Variants in FAM177A1 observed in about 807,000 individuals in gnomAD.
FAM177A1 encodes the protein protein FAM177A1.
FAM177A1 carries 22 observed loss-of-function variants against 26.1 expected under a neutral mutation model. The ratio of observed to expected loss-of-function variants is 0.84; its 90% CI spans 0.60 to 1.20. The LOEUF (loss-of-function observed/expected upper bound fraction) is 1.20. FAM177A1 is among the 50% of genes most tolerant of loss of function. The pLI is 0.00. For missense variants in FAM177A1, 296 were observed against 291.1 expected (o/e 1.02, Z -0.12); for synonymous variants, 95 against 99.3 (o/e 0.96, Z 0.26).
At chr14:35,080,550 C>A (rs2045464764) in intron 4 of FAM177A1, among the ~76,000 whole-genome samples, 1 of 152,104 alleles carries the variant, frequency 6.6e-6, no homozygotes, top group South Asian at 2.1e-4. Flanking sequence ...CCTGTAATCC[C>A]AACACTTTGG....
At chr14:35,055,318 AT>A (rs1366263370) in intron 2 of FAM177A1, among the ~76,000 whole-genome samples, 1 of 133,640 alleles carries the variant, frequency 7.5e-6, no homozygotes, top group Non-Finnish European at 1.6e-5. Context: ...AAAAAAAAAA[AT>A]CGGATATTCT....
In FAM177A1 at chr14:35,046,647, G is replaced by A. The variant is rs1243270879; in HGVS notation, c.165+19G>A. On this transcript the variant is annotated intron_variant, in intron 1 of 4. Transcript: ENST00000280987. Reference sequence around the variant, plus strand: ...AGGGCAGGTAGGTGGGGCCGCCGAGGCTGACGTCCGGGGAGCCGAGCCGCC... The same window carrying A: ...AGGGCAGGTAGGTGGGGCCGCCGAGACTGACGTCCGGGGAGCCGAGCCGCC... 3.9e-6 allele frequency: 6 copies of A among 1,522,334 alleles called. No homozygotes were observed. The South Asian group carries it at 7.4e-5, about 19-fold the overall frequency. The allele number at this position is 1,522,334 out of a possible 1,614,324, so 94.3% of individuals were successfully genotyped here.
At chr14:35,080,285 A>G (rs2045460231) in intron 4 of FAM177A1, among the ~76,000 whole-genome samples, 1 of 152,196 alleles carries the variant, frequency 6.6e-6, no homozygotes, top group Admixed American at 6.5e-5. Flanking sequence ...TGCCTTATCT[A>G]TGTATTTGAT....
chr14:35,047,105 A>G (rs1343963249), intron 1 of FAM177A1: 2 of 711,104 alleles, frequency 2.8e-6, no homozygotes, highest in Non-Finnish European at 3.5e-6. Flanking sequence ...GCCCCATTTC[A>G]CCGCCGAGGC....
rs1235824056 is a variant in FAM177A1, at chr14:35,072,271, AGAAAGGAAAGGG to A, written c.340-4867_340-4856del. Among the ~76,000 whole-genome samples, 12 of 152,162 alleles carry A rather than the reference AGAAAGGAAAGGG, an allele frequency of 7.9e-5. No individual in the cohort carries two copies. The South Asian group carries it at 2.3e-3, about 29-fold the overall frequency. Reference sequence around the variant, plus strand: ...GCCTGGGTGACAAAGAAAAGATAAAAGAAAGGAAAGGGGAAAGGAAAGGAAAAAGGGTTAAGA... The same window carrying A: ...GCCTGGGTGACAAAGAAAAGATAAAAGAAAGGAAAGGAAAAAGGGTTAAGA... On this transcript the variant is annotated intron_variant, in intron 2 of 4. Coordinates refer to ENST00000280987, the MANE Select transcript of FAM177A1 (RefSeq NM_173607.5).
intron 2 of FAM177A1, among the ~76,000 whole-genome samples, chr14:35,067,977 C>T (rs146103439): frequency 4.6e-5 from 7 of 152,220 alleles, no homozygotes; most frequent in African/African-American, 7.2e-5. Context: ...CATGGGTTGT[C>T]ACTTCACTGT....
chr14:35,056,466 C>T (rs1220897161), intron 2 of FAM177A1, among the ~76,000 whole-genome samples: 2 of 152,140 alleles, frequency 1.3e-5, no homozygotes, highest in African/African-American at 4.8e-5. Flanking sequence ...AGCAATTCTC[C>T]TGCTTCAGCC....
chr14:35,060,857 G>C (rs1003121604), intron 2 of FAM177A1, among the ~76,000 whole-genome samples: 3 of 152,096 alleles, frequency 2.0e-5, no homozygotes, highest in African/African-American at 7.2e-5. Flanking sequence ...ATTTTAAGTT[G>C]ATCACCGTTC....
At chr14:35,045,681 A>AT (rs1005502510), upstream of FAM177A1, among the ~76,000 whole-genome samples, 15 of 152,158 alleles carry the variant, frequency 9.9e-5, 1 homozygote, top group Admixed American at 9.8e-4. Context: ...TAATTGCATG[A>AT]TTTTTTACTT....
intron 1 of FAM177A1, among the ~76,000 whole-genome samples, chr14:35,048,603 T>C (rs1444056479): frequency 6.6e-6 from 1 of 150,644 alleles, no homozygotes; most frequent in African/African-American, 2.4e-5. Flanking sequence ...TCTTCTTTCT[T>C]GTTAAACACC....
intron 1 of FAM177A1, among the ~76,000 whole-genome samples, chr14:35,051,458 G>A (rs1280283336): frequency 2.0e-5 from 3 of 151,542 alleles, no homozygotes; most frequent in Non-Finnish European, 4.4e-5. Flanking sequence ...TGTTGCCCAG[G>A]CTTGAGTGCA....
At chr14:35,052,917 C>G (rs1326896072) in intron 1 of FAM177A1, among the ~76,000 whole-genome samples, 1 of 151,974 alleles carries the variant, frequency 6.6e-6, no homozygotes, top group African/African-American at 2.4e-5. Context: ...CAGACCCTGT[C>G]TGGGGGAAAA....
chr14:35,060,485 A>G (rs1220603307), intron 2 of FAM177A1, among the ~76,000 whole-genome samples: 1 of 151,330 alleles, frequency 6.6e-6, no homozygotes, highest in Non-Finnish European at 1.5e-5. Context: ...TTTTTTCCCT[A>G]TGTATGGGTC....
intron 3 of FAM177A1, among the ~76,000 whole-genome samples, chr14:35,078,376 G>T (rs2045428858): frequency 6.6e-6 from 1 of 152,136 alleles, no homozygotes; most frequent in Non-Finnish European, 1.5e-5. Flanking sequence ...TTTTGAGACA[G>T]AGTCTTGCTC....
intron 2 of FAM177A1, among the ~76,000 whole-genome samples, chr14:35,056,758 A>G (rs983754843): frequency 1.3e-5 from 2 of 152,130 alleles, no homozygotes; most frequent in Non-Finnish European, 2.9e-5. Flanking sequence ...TTTACTTGCT[A>G]TAGGTCTATT....
chr14:35,046,655 C>G, intron 1 of FAM177A1, 27 bp downstream of exon 1: 1 of 1,513,968 alleles, frequency 6.6e-7, no homozygotes, highest in South Asian at 1.2e-5. Context: ...AGGCTGACGT[C>G]CGGGGAGCCG....
intron 1 of FAM177A1, among the ~76,000 whole-genome samples, chr14:35,049,639 G>C (rs1194544909): frequency 6.6e-6 from 1 of 152,148 alleles, no homozygotes; most frequent in Admixed American, 6.6e-5. Flanking sequence ...AGAAAAATTA[G>C]CTGGGCATTA....
chr14:35,078,864 CAT>C (rs1171313831), intron 3 of FAM177A1, 61 bp from the exon 4 acceptor site: 1 of 1,185,934 alleles, frequency 8.4e-7, no homozygotes, highest in Non-Finnish European at 1.2e-6. Flanking sequence ...GTGTCTTACA[CAT>C]AGAAAGTGCT....
At chr14:35,073,764 C>T (rs753122101) in intron 2 of FAM177A1, among the ~76,000 whole-genome samples, 5 of 152,126 alleles carry the variant, frequency 3.3e-5, no homozygotes, top group Non-Finnish European at 7.3e-5. Context: ...AATCATAAAC[C>T]GGACTGCATT....
Sources: gnomAD v4.1 joint callset for allele counts (sites outside exome capture counted in the v4.1 genomes callset) on GRCh38, gnomAD v4.1.1 for gene constraint, MANE v1.5 for transcripts, NCBI Gene and HGNC (gene_info 2026-07-23, HGNC 2026-07-21) for gene names.